ROBO1: variants seen among roughly 807,000 people sequenced by gnomAD.
ROBO1 encodes the protein roundabout guidance receptor 1.
In ROBO1, 149 loss-of-function variants were observed where a neutral mutation model predicts 195.9. That is an observed-to-expected ratio of 0.76 (90% CI 0.67 to 0.87). The LOEUF is 0.87. Among genes scored for constraint, ROBO1 ranks in the 40% least tolerant of loss-of-function variants. The probability of loss-of-function intolerance (pLI) is 0.00; values close to 1 mark genes in which losing one functional copy is unlikely to be tolerated. For synonymous variants in ROBO1, 816 were observed against 733.2 expected, an observed-to-expected ratio of 1.11 and a Z score of -1.82; for missense variants, 1,933 against 2,068.3, an observed-to-expected ratio of 0.93 and a Z score of 1.27.
intron 10 of ROBO1, among the ~76,000 whole-genome samples, chr3:78,681,074 AT>A (rs1380082184): frequency 1.3e-5 from 2 of 151,960 alleles, no homozygotes; most frequent in Non-Finnish European, 2.9e-5. Context: ...TCAGTAAACT[AT>A]CGCAAGGACA....
At chr3:79,460,120 A>T (rs752562856) in intron 2 of ROBO1, among the ~76,000 whole-genome samples, 30 of 152,176 alleles carry the variant, frequency 2.0e-4, no homozygotes, top group Non-Finnish European at 5.9e-5. Flanking sequence ...CTCATAAAAC[A>T]ATATATCTAT....
rs201059707 is a variant in ROBO1 at position 79,298,723 on chromosome 3, TTACAAG to T, written c.89-173190_89-173185del. On this transcript the variant is annotated intron_variant, in intron 2 of 30. Transcript: ENST00000464233. ...TTTTAAATAATTTAAAATTAAGATA[TTACAAG>T]TACAAGTTCTTCATGTAAACAGATA... Among the ~76,000 whole-genome samples the T allele has an allele frequency of 2.8e-3, 432 of 152,182 alleles. 5 individuals are homozygous for T. Among genetic ancestry groups the T allele is most frequent in the South Asian group, 0.013 (61 of 4,822 alleles).
At chr3:78,808,067 T>G (rs1015801624) in intron 4 of ROBO1, among the ~76,000 whole-genome samples, 1 of 152,158 alleles carries the variant, frequency 6.6e-6, no homozygotes, top group Non-Finnish European at 1.5e-5. Context: ...AAAATTAGGT[T>G]AAAATACAAT....
At chr3:78,643,085 T>C (rs1361790084) in intron 21 of ROBO1, among the ~76,000 whole-genome samples, 2 of 152,166 alleles carry the variant, frequency 1.3e-5, no homozygotes, top group Non-Finnish European at 2.9e-5. Flanking sequence ...CCACGTAATC[T>C]GCATCCTCCA....
intron 4 of ROBO1, among the ~76,000 whole-genome samples, chr3:78,767,754 T>C (rs778088679): frequency 5.9e-5 from 9 of 152,188 alleles, no homozygotes; most frequent in Non-Finnish European, 1.3e-4. Flanking sequence ...TGTATTTCAG[T>C]GGTGTCAGTT....
intron 2 of ROBO1, among the ~76,000 whole-genome samples, chr3:79,390,400 A>G (rs2036905028): frequency 6.6e-6 from 1 of 152,152 alleles, no homozygotes; most frequent in Non-Finnish European, 1.5e-5. Flanking sequence ...TCATTTAGAG[A>G]AAGATTGCAG....
At chr3:79,374,506 G>GT (rs1224843239) in intron 2 of ROBO1, among the ~76,000 whole-genome samples, 1 of 151,918 alleles carries the variant, frequency 6.6e-6, no homozygotes, top group Non-Finnish European at 1.5e-5. Flanking sequence ...ACTGATATCT[G>GT]TTTTTTTATT....
intron 2 of ROBO1, among the ~76,000 whole-genome samples, chr3:79,431,872 T>A (rs145749149): frequency 6.6e-6 from 1 of 152,198 alleles, no homozygotes; most frequent in East Asian, 1.9e-4. Context: ...CTAAAATGTG[T>A]CATGCAATTA....
At chr3:78,636,306 A>G (rs1437671170) in intron 22 of ROBO1, among the ~76,000 whole-genome samples, 198 bp from the exon 23 acceptor site, 1 of 152,206 alleles carries the variant, frequency 6.6e-6, no homozygotes, top group Non-Finnish European at 1.5e-5. Context: ...AAAAGAGGGT[A>G]CACAGAATTT....
At chr3:79,136,022 A>T (rs900641411) in intron 2 of ROBO1, among the ~76,000 whole-genome samples, 3 of 152,216 alleles carry the variant, frequency 2.0e-5, no homozygotes, top group African/African-American at 7.2e-5. Context: ...CTTCTCCATA[A>T]TGTGCAGCAG....
At chr3:79,187,471 G>C (rs533448084) in intron 2 of ROBO1, among the ~76,000 whole-genome samples, 162 of 152,070 alleles carry the variant, frequency 1.1e-3, no homozygotes, top group Non-Finnish European at 2.0e-3. Context: ...TTTCTAATTG[G>C]ATATATTTTC....
intron 4 of ROBO1, among the ~76,000 whole-genome samples, chr3:78,775,382 A>G (rs2083479003): frequency 6.6e-6 from 1 of 152,094 alleles, no homozygotes; most frequent in South Asian, 2.1e-4. Flanking sequence ...CTATTTATAT[A>G]ATACATTTTA....
intron 2 of ROBO1, among the ~76,000 whole-genome samples, chr3:79,241,379 T>A (rs2108880726): frequency 6.6e-6 from 1 of 152,266 alleles, no homozygotes; most frequent in Non-Finnish European, 1.5e-5. Context: ...ATCCAGCACC[T>A]CATTTATCAA....
At chr3:79,067,797 A>C (rs2108426190) in intron 3 of ROBO1, among the ~76,000 whole-genome samples, 1 of 152,058 alleles carries the variant, frequency 6.6e-6, no homozygotes, top group East Asian at 1.9e-4. Context: ...GGGAACCTGA[A>C]AGTGGTTTAG....
At chr3:78,770,630 A>G (rs1337897219) in intron 4 of ROBO1, among the ~76,000 whole-genome samples, 3 of 152,186 alleles carry the variant, frequency 2.0e-5, no homozygotes, top group Non-Finnish European at 4.4e-5. Flanking sequence ...CTTTAGTTTA[A>G]TGAGGCTCCA....
chr3:78,686,846 G>C (rs1401706362), intron 9 of ROBO1, among the ~76,000 whole-genome samples: 2 of 151,994 alleles, frequency 1.3e-5, no homozygotes, highest in East Asian at 3.9e-4. Flanking sequence ...GAGAATATCT[G>C]TTATGTATTT....
intron 4 of ROBO1, among the ~76,000 whole-genome samples, chr3:78,797,351 T>A (rs1296187332): frequency 1.3e-5 from 2 of 152,216 alleles, no homozygotes; most frequent in East Asian, 3.8e-4. Context: ...CTCAGTTATT[T>A]TGAATTAGTC....
chr3:79,309,415 A>T (rs2033377627), intron 2 of ROBO1, among the ~76,000 whole-genome samples: 1 of 152,066 alleles, frequency 6.6e-6, no homozygotes. Context: ...CCCCGTCTCT[A>T]CAAAAACCCA....
chr3:79,093,196 C>CCAGGTTTGGAATG (rs1190717663), intron 3 of ROBO1, among the ~76,000 whole-genome samples: 1 of 151,992 alleles, frequency 6.6e-6, no homozygotes, highest in Non-Finnish European at 1.5e-5. Context: ...TGGGGTAACA[C>CCAGGTTTGGAATG]CAGGTTTGGA....
Sources: gnomAD v4.1 joint callset for allele counts (sites outside exome capture counted in the v4.1 genomes callset) on GRCh38, gnomAD v4.1.1 for gene constraint, MANE v1.5 for transcripts, NCBI Gene and HGNC (gene_info 2026-07-23, HGNC 2026-07-21) for gene names.